SLC4A4: variants seen among roughly 807,000 people sequenced by gnomAD.
The protein encoded by SLC4A4 is solute carrier family 4 member 4, also known as electrogenic sodium bicarbonate cotransporter 1.
SLC4A4 carries 27 observed loss-of-function variants against 111.5 expected under a neutral mutation model. That is an observed-to-expected ratio of 0.24 (90% CI 0.18 to 0.33). The LOEUF is 0.33. Ranked by LOEUF, SLC4A4 falls within the 10% of genes least tolerant of loss-of-function variation. The pLI, the probability that SLC4A4 is intolerant of heterozygous loss-of-function variation, is 1.00. For synonymous variants in SLC4A4, 443 were observed against 463.4 expected (o/e 0.96, Z 0.57); for missense variants, 909 against 1,315.5 (o/e 0.69, Z 4.78).
At chr4:71,155,610 T>G (rs1367117800) in intron 2 of SLC4A4, among the ~76,000 whole-genome samples, 1 of 152,064 alleles carries the variant, frequency 6.6e-6, no homozygotes, top group Non-Finnish European at 1.5e-5. Context: ...CTACAGGTGC[T>G]GCATCACGCC....
At chr4:71,466,966 G>GAGAGAGAGAGAGAGAGAGAGAGAGA (rs369970583) in intron 13 of SLC4A4, among the ~76,000 whole-genome samples, 3 of 88,478 alleles carry the variant, frequency 3.4e-5, no homozygotes, top group East Asian at 8.5e-4. Context: ...AGAGAGAGAG[G>GAGAGAGAGAGAGAGAGAGAGAGAGA]GAGAGAGAGA....
intron 2 of SLC4A4, among the ~76,000 whole-genome samples, chr4:71,096,327 TAGAG>T (rs1429157564): frequency 6.6e-6 from 1 of 151,942 alleles, no homozygotes; most frequent in Non-Finnish European, 1.5e-5. Flanking sequence ...ACGGTATGTA[TAGAG>T]AAAGGAGAGA....
At chr4:71,502,809 G>C (rs1327341464) in intron 16 of SLC4A4, among the ~76,000 whole-genome samples, 1 of 152,158 alleles carries the variant, frequency 6.6e-6, no homozygotes, top group East Asian at 1.9e-4. Context: ...TTCTGTAGCA[G>C]TTGGATGGAA....
intron 2 of SLC4A4, among the ~76,000 whole-genome samples, chr4:71,120,936 G>A (rs1345066747): frequency 1.3e-5 from 2 of 152,196 alleles, no homozygotes; most frequent in African/African-American, 2.4e-5. Flanking sequence ...AGGGAGAGGC[G>A]CCGGCAGGAA....
chr4:71,170,060 A>G (rs1027655190), intron 2 of SLC4A4, among the ~76,000 whole-genome samples: 1 of 152,040 alleles, frequency 6.6e-6, no homozygotes, highest in African/African-American at 2.4e-5. Context: ...ACATTCCCCA[A>G]CATGCTCTGC....
At chr4:71,392,797 A>G (rs1398636241) in intron 6 of SLC4A4, among the ~76,000 whole-genome samples, 2 of 152,114 alleles carry the variant, frequency 1.3e-5, no homozygotes, top group Non-Finnish European at 2.9e-5. Context: ...CCAACAACAT[A>G]TCAAAAAGAT....
intron 2 of SLC4A4, among the ~76,000 whole-genome samples, chr4:71,128,921 C>T (rs1054033407): frequency 3.3e-5 from 5 of 152,172 alleles, no homozygotes; most frequent in African/African-American, 1.2e-4. Flanking sequence ...TAACTTTCAA[C>T]TTCGAGTGTC....
At chr4:71,420,075 T>C (rs1722279927) in intron 7 of SLC4A4, among the ~76,000 whole-genome samples, 1 of 151,978 alleles carries the variant, frequency 6.6e-6, no homozygotes, top group Non-Finnish European at 1.5e-5. Context: ...GGCAAAGAAG[T>C]TAAAAACTTT....
intron 2 of SLC4A4, among the ~76,000 whole-genome samples, chr4:71,158,236 T>C (rs1013677333): frequency 2.0e-5 from 3 of 151,874 alleles, no homozygotes; most frequent in African/African-American, 7.3e-5. Flanking sequence ...TCCATAGATA[T>C]TAAATATGAT....
chr4:71,329,154 CTATT>C (rs1180404694), intron 3 of SLC4A4, among the ~76,000 whole-genome samples: 3 of 151,934 alleles, frequency 2.0e-5, no homozygotes, highest in African/African-American at 7.2e-5. Flanking sequence ...TCTGGGTTCT[CTATT>C]TATTCTGTTC....
chr4:71,149,638 G>A (rs4694382), intron 2 of SLC4A4, among the ~76,000 whole-genome samples: 107,674 of 152,086 alleles, frequency 0.71, 40,398 homozygotes, highest in Admixed American at 0.83. Context: ...TTAGGCATCA[G>A]TCACATGTTG....
At chr4:71,518,653 G>C (rs907969065) in intron 16 of SLC4A4, among the ~76,000 whole-genome samples, 9 of 152,132 alleles carry the variant, frequency 5.9e-5, no homozygotes, top group African/African-American at 2.2e-4. Flanking sequence ...CATAGAGTCT[G>C]GCCTGGTGCT....
chr4:71,385,076 A>G (rs1283559876), intron 6 of SLC4A4, among the ~76,000 whole-genome samples: 2 of 149,084 alleles, frequency 1.3e-5, no homozygotes, highest in Non-Finnish European at 3.0e-5. Flanking sequence ...AAAGAATGTT[A>G]GCATCCCTAC....
intron 3 of SLC4A4, among the ~76,000 whole-genome samples, chr4:71,293,369 G>A (rs1246164813): frequency 6.6e-6 from 1 of 151,466 alleles, no homozygotes; most frequent in African/African-American, 2.4e-5. Flanking sequence ...TTCGAGACCA[G>A]CCTGGGCAAC....
At chr4:71,453,887 A>G (rs1170370314) in intron 12 of SLC4A4, among the ~76,000 whole-genome samples, 1 of 152,198 alleles carries the variant, frequency 6.6e-6, no homozygotes, top group African/African-American at 2.4e-5. Flanking sequence ...AGTCACAAGT[A>G]GGGAAAGGAA....
At chr4:71,143,858 A>T (rs556736239) in intron 2 of SLC4A4, among the ~76,000 whole-genome samples, 239 of 152,248 alleles carry the variant, frequency 1.6e-3, no homozygotes, top group African/African-American at 5.0e-3. Flanking sequence ...CCTTTGTCAG[A>T]TGAGTGGGTT....
intron 2 of SLC4A4, among the ~76,000 whole-genome samples, chr4:71,161,079 G>C (rs1744606779): frequency 6.6e-6 from 1 of 152,196 alleles, no homozygotes; most frequent in Non-Finnish European, 1.5e-5. Flanking sequence ...AGAGGGCGGA[G>C]AGACTTCCAG....
At chr4:71,234,783 C>G (rs1719691199) in intron 1 of SLC4A4, among the ~76,000 whole-genome samples, 1 of 152,146 alleles carries the variant, frequency 6.6e-6, no homozygotes, top group African/African-American at 2.4e-5. Flanking sequence ...ATGGCCAACC[C>G]ATATCCTGCT....
At chr4:71,111,524 G>GTTTTT (rs150777420) in intron 2 of SLC4A4, among the ~76,000 whole-genome samples, 48 of 60,828 alleles carry the variant, frequency 7.9e-4, no homozygotes, top group African/African-American at 1.2e-3. Context: ...CCACGCTCAG[G>GTTTTT]TTTTTTTTTT....
Sources: allele counts gnomAD v4.1 joint callset (sites outside exome capture counted in the v4.1 genomes callset), GRCh38; gene constraint gnomAD v4.1.1; transcripts MANE v1.5; gene names NCBI Gene and HGNC (gene_info 2026-07-23, HGNC 2026-07-21).